CAMK2A: variants seen among roughly 807,000 people sequenced by gnomAD.
CAMK2A encodes calcium/calmodulin-dependent protein kinase type II subunit alpha.
CAMK2A carries 7 observed loss-of-function variants against 79.2 expected under a neutral mutation model. The ratio of observed to expected loss-of-function variants is 0.09; its 90% confidence interval spans 0.05 to 0.17. The LOEUF (loss-of-function observed/expected upper bound fraction) is 0.17. Ranked by LOEUF, CAMK2A falls within the 10% of genes least tolerant of loss-of-function variation. The pLI is 1.00. For missense variants in CAMK2A, 214 were observed against 646.4 expected (o/e 0.33, Z 7.25); for synonymous variants, 242 against 251.7 (o/e 0.96, Z 0.36).
At chr5:150,245,236 C>G in intron 12 of CAMK2A, 35 bp from the exon 13 acceptor site, 1 of 1,608,570 alleles carries the variant, frequency 6.2e-7, no homozygotes, top group Non-Finnish European at 8.5e-7. Context: ...TTAACAACGC[C>G]AGGCAGGGCA....
chr5:150,227,677 A>G (rs924049710), intron 17 of CAMK2A, among the ~76,000 whole-genome samples: 2 of 152,164 alleles, frequency 1.3e-5, no homozygotes, highest in Non-Finnish European at 2.9e-5. Context: ...CATGCAGGAC[A>G]GAGACCTAGA....
intron 1 of CAMK2A, among the ~76,000 whole-genome samples, chr5:150,288,942 C>G (rs1757549117): frequency 6.6e-6 from 1 of 152,234 alleles, no homozygotes; most frequent in South Asian, 2.1e-4. Context: ...CTACAGCTTT[C>G]CTGATTTCCT....
At chr5:150,239,832 G>C in intron 13 of CAMK2A, 96 bp from the exon 14 acceptor site, 1 of 1,028,460 alleles carries the variant, frequency 9.7e-7, no homozygotes, top group African/African-American at 1.6e-5. Flanking sequence ...GAGGAGGATG[G>C]GCCTCGGGGT....
chr5:150,228,133 C>A, intron 17 of CAMK2A, 59 bp downstream of exon 17: 5 of 1,421,792 alleles, frequency 3.5e-6, no homozygotes, highest in Non-Finnish European at 4.9e-6. Flanking sequence ...GCTGTGCCAT[C>A]CAGCAGGACA....
chr5:150,257,686 C>G lies in CAMK2A; in HGVS notation c.218-69G>C, dbSNP rs1243294101. 15 of 1,259,602 alleles carry G rather than the reference C, an allele frequency of 1.2e-5. 1 individual carries two copies. Among genetic ancestry groups the G allele is most frequent in the South Asian group, 9.0e-5 (7 of 78,150 alleles). 78.0% of individuals were successfully genotyped at this position (1,259,602 alleles called of 1,614,324 possible). ...TGCACAGGCCCGCCCTCCCTCTCTCCCCTCCCGTGTATATCCAACACCCCC... is the reference window on the plus strand; with the variant it reads ...TGCACAGGCCCGCCCTCCCTCTCTCGCCTCCCGTGTATATCCAACACCCCC... On this transcript the variant is annotated intron_variant, in intron 3 of 18. Coordinates refer to ENST00000671881, the MANE Select transcript of CAMK2A (RefSeq NM_015981.4).
At chr5:150,264,599 G>T (rs375924155) in intron 3 of CAMK2A, among the ~76,000 whole-genome samples, 35 of 152,328 alleles carry the variant, frequency 2.3e-4, no homozygotes, top group East Asian at 1.2e-3. Context: ...CACGGTGCCA[G>T]GCTGAATCGG....
chr5:150,234,863 C>T (rs1266664896), intron 15 of CAMK2A, among the ~76,000 whole-genome samples: 1 of 152,174 alleles, frequency 6.6e-6, no homozygotes, highest in Non-Finnish European at 1.5e-5. Context: ...TCTGTCCTTC[C>T]AAAACCCGCT....
chr5:150,271,655 C>T (rs1422686906), intron 2 of CAMK2A, among the ~76,000 whole-genome samples: 1 of 152,228 alleles, frequency 6.6e-6, no homozygotes, highest in African/African-American at 2.4e-5. Flanking sequence ...ACAGAATTCC[C>T]TCCACCACCA....
chr5:150,263,916 T>G (rs998592313), intron 3 of CAMK2A, among the ~76,000 whole-genome samples: 2 of 152,236 alleles, frequency 1.3e-5, no homozygotes, highest in Admixed American at 6.5e-5. Context: ...AGCCTCTGGC[T>G]GCTGTTTGTG....
At chr5:150,225,098 A>C in intron 17 of CAMK2A, among the ~76,000 whole-genome samples, 1 of 142,276 alleles carries the variant, frequency 7.0e-6, no homozygotes, top group East Asian at 2.0e-4. Flanking sequence ...GAGAGAGACA[A>C]TGGATAGATA....
intron 9 of CAMK2A, 114 bp downstream of exon 9, chr5:150,251,636 T>G (rs1486383942): frequency 1.4e-6 from 1 of 727,954 alleles, no homozygotes; most frequent in Non-Finnish European, 2.2e-6. Flanking sequence ...CTGGTCAGTC[T>G]TCATGCTCCC....
chr5:150,233,620 G>A (rs954386801), intron 15 of CAMK2A, among the ~76,000 whole-genome samples: 2 of 152,120 alleles, frequency 1.3e-5, no homozygotes, highest in Non-Finnish European at 2.9e-5. Flanking sequence ...CCAAACCAGA[G>A]TCTGGACTGC....
chr5:150,286,525 A>G (rs1217486886), intron 1 of CAMK2A, among the ~76,000 whole-genome samples: 2 of 152,236 alleles, frequency 1.3e-5, no homozygotes, highest in African/African-American at 4.8e-5. Context: ...GGGCAGCCCA[A>G]CGCCTTGAAG....
intron 3 of CAMK2A, among the ~76,000 whole-genome samples, chr5:150,259,504 A>C (rs1348925085): frequency 8.5e-5 from 13 of 152,166 alleles, no homozygotes; most frequent in Admixed American, 8.5e-4. Flanking sequence ...CCTAGATAAT[A>C]GAGTGAGAAT....
At chr5:150,222,821 C>T in intron 18 of CAMK2A, 108 bp from the exon 19 acceptor site, 1 of 1,447,818 alleles carries the variant, frequency 6.9e-7, no homozygotes. Flanking sequence ...GTGGCTCCTG[C>T]CCAGCTCTTC....
chr5:150,275,235 G>A lies in CAMK2A; in HGVS notation c.63-2076C>T, dbSNP rs952628269. ...CGTGCAGCCTGTCCATATGCTACCA[G>A]GAAGAAAGCAGCAAGACCCCAGTCC... On this transcript the variant is annotated intron_variant, in intron 1 of 18. Coordinates refer to ENST00000671881, the MANE Select transcript of CAMK2A (RefSeq NM_015981.4). Among the ~76,000 whole-genome samples, 5 of 152,222 alleles carry A rather than the reference G, an allele frequency of 3.3e-5. 1 individual carries two copies. The highest frequency in any genetic ancestry group is 3.3e-4 in the Admixed American group (5 of 15,288).
Position 150,258,017 on chromosome 5 carries a change from G to A in CAMK2A, c.218-400C>T, listed in dbSNP as rs907973558. Among the ~76,000 whole-genome samples the A allele has an allele frequency of 6.6e-5, 10 of 152,248 alleles. 2 individuals carry two copies. The highest frequency in any genetic ancestry group is 6.5e-4 in the Admixed American group (10 of 15,290). On this transcript the variant is annotated intron_variant, in intron 3 of 18. Transcript: ENST00000671881. ...GCCTCTCTTTCCTTGCCTGGACAAT[G>A]AGAATGAAACTCCTGGACTTGCAGG...
intron 10 of CAMK2A, among the ~76,000 whole-genome samples, 170 bp from the exon 11 acceptor site, chr5:150,250,479 A>G (rs778642228): frequency 6.6e-6 from 1 of 152,172 alleles, no homozygotes; most frequent in Non-Finnish European, 1.5e-5. Context: ...GGCACCAGAC[A>G]TTCAATGCCA....
rs766528143 is a variant in CAMK2A, at chr5:150,238,793, G to A, written c.1018-45C>T. 3.3e-6 allele frequency: 5 copies of A among 1,532,104 alleles called. No homozygotes were observed. In the South Asian group the frequency reaches 6.3e-5, roughly 19 times the overall value. The allele number at this position is 1,532,104 out of a possible 1,614,324, so 94.9% of individuals were successfully genotyped here. On this transcript the variant is annotated intron_variant, in intron 14 of 18. Coordinates refer to ENST00000671881, the MANE Select transcript of CAMK2A (RefSeq NM_015981.4). ...AGATGGTGAGGCCTGCCTGGGAGCG[G>A]GACGAGGCATGGCCAGGCCCTGGCT... is the stretch of plus-strand genomic sequence containing the variant.
Sources: gnomAD v4.1 joint callset for allele counts (sites outside exome capture counted in the v4.1 genomes callset) on GRCh38, gnomAD v4.1.1 for gene constraint, MANE v1.5 for transcripts, NCBI Gene and HGNC (gene_info 2026-07-23, HGNC 2026-07-21) for gene names.